GALNTL6: variants seen among roughly 807,000 people sequenced by gnomAD.
GALNTL6 encodes polypeptide N-acetylgalactosaminyltransferase-like 6.
Under a neutral mutation model 73.7 loss-of-function variants are expected in GALNTL6, and 46 were observed. The observed-to-expected ratio is 0.62, with a 90% CI of 0.49 to 0.80. The LOEUF (loss-of-function observed/expected upper bound fraction) is 0.80. Ranked by LOEUF, GALNTL6 falls within the 30% of genes least tolerant of loss-of-function variation. GALNTL6 has a pLI of 0.00. For missense variants in GALNTL6, 604 were observed against 755.0 expected (o/e 0.80, Z 2.34); for synonymous variants, 259 against 263.7 (o/e 0.98, Z 0.17).
chr4:172,903,017 T>C (rs942930031), intron 8 of GALNTL6, among the ~76,000 whole-genome samples: 3 of 152,202 alleles, frequency 2.0e-5, no homozygotes, highest in Non-Finnish European at 4.4e-5. Context: ...TTCACCATAA[T>C]AATTCAAGAC....
intron 5 of GALNTL6, among the ~76,000 whole-genome samples, chr4:172,432,766 A>G (rs893156191): frequency 6.6e-6 from 1 of 152,088 alleles, no homozygotes; most frequent in African/African-American, 2.4e-5. Flanking sequence ...CTTGACAAGT[A>G]AATTTGACTT....
intron 2 of GALNTL6, among the ~76,000 whole-genome samples, chr4:172,031,465 A>G (rs1741767949): frequency 6.6e-6 from 1 of 152,148 alleles, no homozygotes; most frequent in Non-Finnish European, 1.5e-5. Flanking sequence ...ATAATTGTAT[A>G]TATGTGATTT....
intron 5 of GALNTL6, among the ~76,000 whole-genome samples, chr4:172,423,350 G>A (rs1731115308): frequency 6.6e-6 from 1 of 152,024 alleles, no homozygotes; most frequent in Middle Eastern, 3.4e-3. Flanking sequence ...TGATCCATTT[G>A]GCATTACCTA....
At chr4:172,815,976 G>T (rs763934284) in intron 7 of GALNTL6, among the ~76,000 whole-genome samples, 1 of 152,178 alleles carries the variant, frequency 6.6e-6, no homozygotes, top group Non-Finnish European at 1.5e-5. Context: ...CAGCGTATCG[G>T]CAATTTCATT....
chr4:171,834,808 C>T (rs1247137561), intron 2 of GALNTL6, among the ~76,000 whole-genome samples: 1 of 151,914 alleles, frequency 6.6e-6, no homozygotes, highest in African/African-American at 2.4e-5. Context: ...AGATAAAAGA[C>T]TCGACTAGTG....
At chr4:172,287,279 C>T (rs1465580160) in intron 3 of GALNTL6, among the ~76,000 whole-genome samples, 1 of 152,084 alleles carries the variant, frequency 6.6e-6, no homozygotes, top group Non-Finnish European at 1.5e-5. Flanking sequence ...CTGCCTCAGC[C>T]CTCCCTGCTC....
intron 5 of GALNTL6, among the ~76,000 whole-genome samples, chr4:172,637,524 G>A (rs1180215201): frequency 3.3e-5 from 5 of 152,046 alleles, no homozygotes; most frequent in South Asian, 2.1e-4. Context: ...TATTAATCAC[G>A]TTGATTATCC....
chr4:172,025,205 T>C (rs1033690896), intron 2 of GALNTL6, among the ~76,000 whole-genome samples: 1 of 152,056 alleles, frequency 6.6e-6, no homozygotes, highest in Non-Finnish European at 1.5e-5. Flanking sequence ...AATCATAAAA[T>C]GCTTTCCAGT....
chr4:172,889,869 T>C (rs1246327155), intron 8 of GALNTL6, among the ~76,000 whole-genome samples: 2 of 152,170 alleles, frequency 1.3e-5, no homozygotes, highest in African/African-American at 2.4e-5. Context: ...AATTTGGCTG[T>C]GAATCCATCT....
intron 9 of GALNTL6, among the ~76,000 whole-genome samples, chr4:172,946,992 GTAA>G (rs1561049461): frequency 6.6e-6 from 1 of 152,114 alleles, no homozygotes; most frequent in East Asian, 1.9e-4. Flanking sequence ...CAAAAGAGAC[GTAA>G]GAGAGAGATT....
At chr4:172,786,510 T>G (rs1333244334) in intron 5 of GALNTL6, among the ~76,000 whole-genome samples, 1 of 152,214 alleles carries the variant, frequency 6.6e-6, no homozygotes, top group Non-Finnish European at 1.5e-5. Flanking sequence ...GCAAGATTTT[T>G]AGTTTTTGTT....
At chr4:172,841,400 A>G (rs1743198622) in intron 7 of GALNTL6, among the ~76,000 whole-genome samples, 1 of 152,176 alleles carries the variant, frequency 6.6e-6, no homozygotes, top group African/African-American at 2.4e-5. Context: ...TAAGACAAAT[A>G]CCTAGCTCCA....
Position 172,413,136 on chromosome 4 carries a change from A to C in GALNTL6, c.553+64447A>C, listed in dbSNP as rs938066990. 2.0e-5 allele frequency among the ~76,000 whole-genome samples: 3 copies of C among 152,348 alleles called. No individual in the cohort carries two copies. In the South Asian group the frequency reaches 6.2e-4, roughly 32 times the overall value. On this transcript the variant is annotated intron_variant, in intron 5 of 12. Transcript: ENST00000506823. ...TAGCCGAGTCAAACTGGTAAAGCAA[A>C]GAACAGGGAAATCCTGATTGACTTA...
chr4:171,832,747 G>T (rs534130738), intron 2 of GALNTL6, among the ~76,000 whole-genome samples: 16 of 151,768 alleles, frequency 1.1e-4, no homozygotes, highest in African/African-American at 3.4e-4. Context: ...TAATAAGATT[G>T]ATTTTTATTA....
chr4:172,238,610 G>T (rs1278865656), intron 3 of GALNTL6, among the ~76,000 whole-genome samples: 1 of 150,692 alleles, frequency 6.6e-6, no homozygotes, highest in East Asian at 1.9e-4. Flanking sequence ...TTGCCCAATT[G>T]CTCTGACTAG....
At chr4:172,367,717 C>A (rs1313674861) in intron 5 of GALNTL6, among the ~76,000 whole-genome samples, 2 of 152,090 alleles carry the variant, frequency 1.3e-5, no homozygotes, top group Admixed American at 1.3e-4. Flanking sequence ...ATTAATAATG[C>A]AGATAAGTTT....
chr4:172,421,743 A>G (rs1251778135), intron 5 of GALNTL6, among the ~76,000 whole-genome samples: 1 of 152,128 alleles, frequency 6.6e-6, no homozygotes, highest in East Asian at 1.9e-4. Context: ...TGTTGAAATA[A>G]TAATGAGGAA....
chr4:172,212,619 C>G (rs1444873818), intron 2 of GALNTL6, among the ~76,000 whole-genome samples: 1 of 152,096 alleles, frequency 6.6e-6, no homozygotes, highest in Non-Finnish European at 1.5e-5. Flanking sequence ...ATATTCAGCT[C>G]TTCCCTGCCC....
chr4:172,187,949 T>G (rs1389190520), intron 2 of GALNTL6, among the ~76,000 whole-genome samples: 1 of 152,164 alleles, frequency 6.6e-6, no homozygotes, highest in Admixed American at 6.5e-5. Context: ...TGCTATTTGT[T>G]AGAACATATT....
Sources: gnomAD v4.1 joint callset for allele counts (sites outside exome capture counted in the v4.1 genomes callset) on GRCh38, gnomAD v4.1.1 for gene constraint, MANE v1.5 for transcripts, NCBI Gene and HGNC (gene_info 2026-07-23, HGNC 2026-07-21) for gene names.